SH3RF3: variants seen among roughly 807,000 people sequenced by gnomAD.
SH3RF3 encodes E3 ubiquitin-protein ligase SH3RF3.
SH3RF3 carries 29 observed loss-of-function variants against 66.3 expected under a neutral mutation model. The observed-to-expected ratio is 0.44, with a 90% CI of 0.33 to 0.60. The LOEUF (loss-of-function observed/expected upper bound fraction) is 0.60, where lower values mean the gene tolerates loss of function less well. Among genes scored for constraint, SH3RF3 ranks in the 20% least tolerant of loss-of-function variants. SH3RF3 has a pLI of 0.04. For missense variants in SH3RF3, 1,194 were observed against 1,190.9 expected, an observed-to-expected ratio of 1.00 and a Z score of -0.04; for synonymous variants, 583 against 532.0, an observed-to-expected ratio of 1.10 and a Z score of -1.32.
intron 2 of SH3RF3, 77 bp downstream of exon 2, chr2:109,348,026 C>CTA: frequency 6.7e-7 from 1 of 1,497,656 alleles, no homozygotes; most frequent in Non-Finnish European, 9.0e-7. Flanking sequence ...AGCCACAGAC[C>CTA]TATAGCCAGA....
intron 1 of SH3RF3, among the ~76,000 whole-genome samples, chr2:109,201,020 G>A (rs1678659012): frequency 6.6e-6 from 1 of 152,202 alleles, no homozygotes; most frequent in Non-Finnish European, 1.5e-5. Flanking sequence ...CTAAGTGGCT[G>A]TGGGGACCTG....
intron 1 of SH3RF3, among the ~76,000 whole-genome samples, chr2:109,222,224 G>T (rs1455813590): frequency 6.6e-6 from 1 of 152,156 alleles, no homozygotes. Flanking sequence ...GGTAAAGAAA[G>T]GTTGGTTAAG....
chr2:109,433,254 A>G (rs1380916902), intron 6 of SH3RF3, among the ~76,000 whole-genome samples: 1 of 152,266 alleles, frequency 6.6e-6, no homozygotes, highest in Non-Finnish European at 1.5e-5. Flanking sequence ...CACTATATAC[A>G]TATATGCAAA....
chr2:109,427,553 GT>G (rs1190808723), intron 5 of SH3RF3, among the ~76,000 whole-genome samples: 7 of 152,170 alleles, frequency 4.6e-5, no homozygotes, highest in Non-Finnish European at 8.8e-5. Context: ...CAAGTTCCAG[GT>G]GAGGCCAGTA....
At chr2:109,420,672 C>T (rs963859840) in intron 5 of SH3RF3, among the ~76,000 whole-genome samples, 1 of 152,178 alleles carries the variant, frequency 6.6e-6, no homozygotes, top group Non-Finnish European at 1.5e-5. Flanking sequence ...GTCTCGATCT[C>T]CTGATCTCGT....
At chr2:109,228,227 G>A (rs1448047310) in intron 1 of SH3RF3, among the ~76,000 whole-genome samples, 7 of 152,132 alleles carry the variant, frequency 4.6e-5, no homozygotes, top group Non-Finnish European at 1.0e-4. Flanking sequence ...CTAGTCCCCA[G>A]GAATGTGCTT....
chr2:109,397,680 C>G (rs1676186425), intron 3 of SH3RF3, among the ~76,000 whole-genome samples: 2 of 152,168 alleles, frequency 1.3e-5, no homozygotes, highest in Non-Finnish European at 2.9e-5. Context: ...TGGTACCTCC[C>G]CAGGCTGTGT....
At chr2:109,193,973 G>T (rs958431828) in intron 1 of SH3RF3, among the ~76,000 whole-genome samples, 1 of 152,154 alleles carries the variant, frequency 6.6e-6, no homozygotes, top group Non-Finnish European at 1.5e-5. Flanking sequence ...GCTCCTTCTG[G>T]GGCACCAGAG....
chr2:109,163,387 A>ATTTT (rs1449655482), intron 1 of SH3RF3, among the ~76,000 whole-genome samples: 3 of 77,002 alleles, frequency 3.9e-5, no homozygotes, highest in African/African-American at 1.6e-4. Context: ...AAGAGCAAAT[A>ATTTT]TTCTTTTTTT....
intron 1 of SH3RF3, among the ~76,000 whole-genome samples, chr2:109,250,129 A>G (rs991496236): frequency 9.8e-6 from 1 of 102,368 alleles, no homozygotes; most frequent in South Asian, 2.9e-4. Context: ...TCTTGTTTTT[A>G]TCTGTCCTTA....
intron 1 of SH3RF3, among the ~76,000 whole-genome samples, chr2:109,161,084 C>G (rs369341316): frequency 6.6e-6 from 1 of 152,094 alleles, no homozygotes; most frequent in Non-Finnish European, 1.5e-5. Context: ...ACAAGGCAAT[C>G]GACTGTTCAT....
Position 109,437,945 on chromosome 2 carries a change from CAA to C in SH3RF3, c.1828+800_1828+801del, listed in dbSNP as rs1349608623. ...TGACATGATGCCAAGTACCCCAGGA[CAA>C]GAGGGGATAACACAGAATCTCTCTT... On this transcript the variant is annotated intron_variant, in intron 7 of 9. Coordinates refer to ENST00000309415, the MANE Select transcript of SH3RF3 (RefSeq NM_001099289.3). 1.1e-4 allele frequency among the ~76,000 whole-genome samples: 16 copies of C among 152,278 alleles called. No homozygotes were observed. The East Asian group carries it at 2.9e-3, about 28-fold the overall frequency.
chr2:109,370,047 C>T (rs756036044), intron 2 of SH3RF3, among the ~76,000 whole-genome samples: 6 of 152,230 alleles, frequency 3.9e-5, no homozygotes, highest in East Asian at 3.9e-4. Context: ...GAACAAATAA[C>T]GGGGGCAGTT....
chr2:109,424,076 G>A (rs1167312424), intron 5 of SH3RF3, among the ~76,000 whole-genome samples: 6 of 152,184 alleles, frequency 3.9e-5, no homozygotes, highest in South Asian at 2.1e-4. Flanking sequence ...CACCGGTACC[G>A]GCATTGTCTA....
intron 2 of SH3RF3, among the ~76,000 whole-genome samples, chr2:109,362,302 T>A (rs1683063978): frequency 6.6e-6 from 1 of 152,250 alleles, no homozygotes; most frequent in Non-Finnish European, 1.5e-5. Context: ...TAAATTTCTC[T>A]TGAGAGTTTT....
intron 1 of SH3RF3, among the ~76,000 whole-genome samples, chr2:109,285,715 C>G (rs955624464): frequency 6.6e-6 from 1 of 152,176 alleles, no homozygotes; most frequent in African/African-American, 2.4e-5. Flanking sequence ...TGCATCTGTC[C>G]CTGAGCCTGG....
intron 8 of SH3RF3, among the ~76,000 whole-genome samples, chr2:109,454,640 G>A (rs1391751178): frequency 5.3e-5 from 8 of 152,146 alleles, no homozygotes; most frequent in African/African-American, 1.9e-4. Flanking sequence ...CAGTGGATTG[G>A]GACCCACATT....
At chr2:109,306,359 T>C (rs1274807616) in intron 1 of SH3RF3, among the ~76,000 whole-genome samples, 1 of 152,210 alleles carries the variant, frequency 6.6e-6, no homozygotes, top group East Asian at 1.9e-4. Context: ...CTGCGCATAC[T>C]CCAGCAGCAC....
intron 1 of SH3RF3, among the ~76,000 whole-genome samples, chr2:109,171,620 T>G (rs1366117855): frequency 6.6e-6 from 1 of 152,228 alleles, no homozygotes; most frequent in Non-Finnish European, 1.5e-5. Flanking sequence ...CAGAGCTGCC[T>G]CTGAGACATT....
Sources: gnomAD v4.1 joint callset for allele counts (sites outside exome capture counted in the v4.1 genomes callset) on GRCh38, gnomAD v4.1.1 for gene constraint, MANE v1.5 for transcripts, NCBI Gene and HGNC (gene_info 2026-07-23, HGNC 2026-07-21) for gene names.